UGT1A5: variants seen among roughly 807,000 people sequenced by gnomAD.
UGT1A5 encodes the protein UDP glucuronosyltransferase family 1 member A5.
In UGT1A5, 29 loss-of-function variants were observed where a neutral mutation model predicts 40.3. The observed-to-expected ratio is 0.72, with a 90% CI of 0.54 to 0.98. The LOEUF is 0.98. Ranked by LOEUF, UGT1A5 falls within the 50% of genes least tolerant of loss-of-function variation. UGT1A5 has a pLI of 0.00. For synonymous variants in UGT1A5, 257 were observed against 262.5 expected, an observed-to-expected ratio of 0.98 and a Z score of 0.20; for missense variants, 678 against 677.9, an observed-to-expected ratio of 1.00 and a Z score of 0.00.
At chr2:233,725,066 A>G (rs1162787353) in intron 1 of UGT1A5, among the ~76,000 whole-genome samples, 1 of 146,718 alleles carries the variant, frequency 6.8e-6, no homozygotes, top group South Asian at 2.3e-4. Flanking sequence ...GCGCGCCTGC[A>G]ATCGCAGGCA....
chr2:233,765,938 G>C (rs1244987830), intron 1 of UGT1A5, among the ~76,000 whole-genome samples: 1 of 152,062 alleles, frequency 6.6e-6, no homozygotes, highest in Non-Finnish European at 1.5e-5. Context: ...AGGTTGTGGG[G>C]CTCTGACCTC....
chr2:233,746,961 G>C (rs1559391605), intron 1 of UGT1A5, among the ~76,000 whole-genome samples: 1 of 151,802 alleles, frequency 6.6e-6, no homozygotes, highest in Non-Finnish European at 1.5e-5. Flanking sequence ...CTTGAACTTG[G>C]ATGTTCCCCA....
intron 1 of UGT1A5, among the ~76,000 whole-genome samples, chr2:233,730,279 A>G (rs1016900889): frequency 6.6e-6 from 1 of 152,176 alleles, no homozygotes; most frequent in Non-Finnish European, 1.5e-5. Flanking sequence ...TAAAGGCACC[A>G]TCTTCATGGT....
In UGT1A5 at chr2:233,747,539, A is replaced by G; in HGVS notation, c.868-19495A>G. 4 of 1,604,572 alleles carry G rather than the reference A, an allele frequency of 2.5e-6. No individual in the cohort carries two copies. The South Asian group carries it at 3.3e-5, about 13-fold the overall frequency. ...TTGAAACAGAACATTTTCTGAAGAC[A>G]TTTTCTAAAAGTATGGCAATTTTGA... On this transcript the variant is annotated intron_variant, in intron 1 of 4. Transcript: ENST00000373414.
At chr2:233,742,507 G>A (rs1692002701) in intron 1 of UGT1A5, among the ~76,000 whole-genome samples, 1 of 151,888 alleles carries the variant, frequency 6.6e-6, no homozygotes, top group Non-Finnish European at 1.5e-5. Flanking sequence ...TGGCTATCAT[G>A]AACACGTCAC....
At chr2:233,759,226 A>C (rs1435521106) in intron 1 of UGT1A5, among the ~76,000 whole-genome samples, 2 of 152,174 alleles carry the variant, frequency 1.3e-5, no homozygotes, top group African/African-American at 4.8e-5. Flanking sequence ...TATGCAAATG[A>C]AGGATGGAAA....
intron 1 of UGT1A5, among the ~76,000 whole-genome samples, chr2:233,737,681 C>T (rs2125810058): frequency 6.6e-6 from 1 of 152,268 alleles, no homozygotes; most frequent in South Asian, 2.1e-4. Context: ...TCCTATTTGG[C>T]CATTGGTGCT....
chr2:233,713,916 G>A, intron 1 of UGT1A5, 58 bp downstream of exon 1: 2 of 1,612,412 alleles, frequency 1.2e-6, no homozygotes, highest in Non-Finnish European at 1.7e-6. Flanking sequence ...TTTAAAAAAT[G>A]TATTTACTTA....
chr2:233,720,513 G>C (rs2076864645), intron 1 of UGT1A5, among the ~76,000 whole-genome samples: 1 of 152,034 alleles, frequency 6.6e-6, no homozygotes, highest in Non-Finnish European at 1.5e-5. Context: ...AGGTGAAGCT[G>C]ATCATATCAC....
At chr2:233,743,389 C>G (rs1429272187) in intron 1 of UGT1A5, 2 of 1,242,542 alleles carry the variant, frequency 1.6e-6, no homozygotes, top group Non-Finnish European at 2.1e-6. Context: ...GTAGGACATG[C>G]AGAAGGAAGA....
At chr2:233,726,721 T>C (rs17864697) in intron 1 of UGT1A5, among the ~76,000 whole-genome samples, 20,956 of 152,216 alleles carry the variant, frequency 0.14, 1,603 homozygotes, top group East Asian at 0.2. Context: ...GGAAGTACAA[T>C]GTAGATACTT....
At chr2:233,746,789 T>C (rs1693473913) in intron 1 of UGT1A5, among the ~76,000 whole-genome samples, 1 of 151,828 alleles carries the variant, frequency 6.6e-6, no homozygotes, top group South Asian at 2.1e-4. Context: ...TCTGTTGTAA[T>C]TCATGAGCGT....
intron 4 of UGT1A5, 31 bp downstream of exon 4, chr2:233,768,470 G>A: frequency 6.2e-7 from 1 of 1,602,840 alleles, no homozygotes; most frequent in Non-Finnish European, 8.5e-7. Flanking sequence ...GAATACTTTG[G>A]TCATGGCATT....
intron 1 of UGT1A5, chr2:233,718,684 C>T (rs926562012): frequency 4.8e-5 from 76 of 1,577,802 alleles, no homozygotes; most frequent in East Asian, 2.5e-4. Context: ...TAATAAGTAA[C>T]TGGAGGAGGG....
At position 233,713,165 on chromosome 2, in the gene UGT1A5, G is replaced by A. The variant is rs28898601; in HGVS notation, c.174G>A (p.Val58=). The A allele has an allele frequency of 2.1e-4, 341 of 1,614,222 alleles. 2 individuals are homozygous for A. In the South Asian group the frequency reaches 3.5e-3, roughly 17 times the overall value. ...ACCTCCATGCGAGAGGCCACCAGGT[G>A]GTGGTCCTCACCCTGGAGGTGAATA... ...LRDLHARGHQ[V]VVLTLEVNMY... Residue 58 remains valine, a synonymous_variant, in exon 1 of 5, where the codon GTG becomes GTA. Transcript: ENST00000373414.
intron 1 of UGT1A5, among the ~76,000 whole-genome samples, chr2:233,747,054 T>C (rs1171712187): frequency 6.6e-6 from 1 of 151,960 alleles, no homozygotes; most frequent in Non-Finnish European, 1.5e-5. Flanking sequence ...AAGACAATGA[T>C]TGGTTAATCG....
chr2:233,731,825 G>C (rs994519436), intron 1 of UGT1A5, among the ~76,000 whole-genome samples: 58 of 152,108 alleles, frequency 3.8e-4, no homozygotes, highest in African/African-American at 1.4e-3. Flanking sequence ...GTGTCAAATG[G>C]TATTTCTAGT....
intron 1 of UGT1A5, among the ~76,000 whole-genome samples, chr2:233,751,881 A>G (rs553534557): frequency 1.3e-5 from 2 of 152,290 alleles, no homozygotes; most frequent in African/African-American, 4.8e-5. Context: ...CGTCTTGGGT[A>G]TGTCTTTATA....
intron 1 of UGT1A5, among the ~76,000 whole-genome samples, chr2:233,738,158 C>T (rs1307511207): frequency 6.6e-6 from 1 of 152,194 alleles, no homozygotes; most frequent in Admixed American, 6.5e-5. Flanking sequence ...AGCTATTCCT[C>T]TTTCTCTCTT....
Sources: allele counts gnomAD v4.1 joint callset (sites outside exome capture counted in the v4.1 genomes callset), GRCh38; gene constraint gnomAD v4.1.1; transcripts MANE v1.5; gene names NCBI Gene and HGNC (gene_info 2026-07-23, HGNC 2026-07-21).